Variants in TNIK observed in about 807,000 individuals in gnomAD.
TNIK encodes TRAF2 and NCK interacting kinase.
Under a neutral mutation model 191.3 loss-of-function variants are expected in TNIK, and 49 were observed. That is an observed-to-expected ratio of 0.26 (90% CI 0.20 to 0.32). The LOEUF (loss-of-function observed/expected upper bound fraction) is 0.32, where lower values mean the gene tolerates loss of function less well. TNIK is among the 10% of genes least tolerant of loss of function. The pLI, the probability that TNIK is intolerant of heterozygous loss-of-function variation, is 1.00. For synonymous variants in TNIK, 594 were observed against 600.9 expected, an observed-to-expected ratio of 0.99 and a Z score of 0.17; for missense variants, 1,155 against 1,702.3, an observed-to-expected ratio of 0.68 and a Z score of 5.66.
intron 2 of TNIK, among the ~76,000 whole-genome samples, chr3:171,242,382 G>T (rs569308301): frequency 1.6e-4 from 24 of 152,212 alleles, no homozygotes; most frequent in African/African-American, 4.8e-4. Flanking sequence ...TCATAAGCAG[G>T]ATCTCTTCTA....
chr3:171,328,607 C>T (rs1756074107), intron 2 of TNIK, among the ~76,000 whole-genome samples: 1 of 152,158 alleles, frequency 6.6e-6, no homozygotes, highest in Non-Finnish European at 1.5e-5. Flanking sequence ...AATTTAAAAG[C>T]TTCTCTTTTA....
chr3:171,388,631 C>T (rs1719051418), intron 1 of TNIK, among the ~76,000 whole-genome samples: 1 of 152,200 alleles, frequency 6.6e-6, no homozygotes, highest in Non-Finnish European at 1.5e-5. Context: ...ACACACACTA[C>T]CTTTGTGTTC....
At chr3:171,349,447 A>T (rs889392560) in intron 2 of TNIK, among the ~76,000 whole-genome samples, 2 of 152,214 alleles carry the variant, frequency 1.3e-5, no homozygotes, top group East Asian at 3.8e-4. Flanking sequence ...TCACAGAAAA[A>T]TGAGATCAGC....
chr3:171,347,737 C>T (rs1712489689), intron 2 of TNIK, among the ~76,000 whole-genome samples: 2 of 152,126 alleles, frequency 1.3e-5, no homozygotes, highest in Non-Finnish European at 2.9e-5. Flanking sequence ...TTATAATAGC[C>T]TGTCCTAGAT....
intron 2 of TNIK, among the ~76,000 whole-genome samples, chr3:171,343,017 G>A (rs997251806): frequency 6.6e-6 from 1 of 152,142 alleles, no homozygotes; most frequent in African/African-American, 2.4e-5. Context: ...ATAATAATGA[G>A]GCCCTCCCCA....
chr3:171,245,997 T>C (rs187342260), intron 2 of TNIK, among the ~76,000 whole-genome samples: 25 of 152,044 alleles, frequency 1.6e-4, no homozygotes, highest in African/African-American at 5.8e-4. Context: ...AGGGCAGCCT[T>C]GAAAACACAC....
rs1055422313 is a variant in TNIK at position 171,198,986 on chromosome 3, C to A, written c.307-4351G>T. On this transcript the variant is annotated intron_variant, in intron 4 of 32. Transcript: ENST00000436636. The stretch of plus-strand genomic sequence containing the variant: ...GCTTTATTAGGCCATGTAATTATAG[C>A]TCCCAAGGAAGGCAATGGAAGCCCA... 7.9e-5 allele frequency among the ~76,000 whole-genome samples: 12 copies of A among 152,238 alleles called. No individual in the cohort carries two copies. In the East Asian group the frequency reaches 2.3e-3, roughly 29 times the overall value.
At chr3:171,166,999 C>T in intron 10 of TNIK, 96 bp downstream of exon 10, 3 of 1,434,878 alleles carry the variant, frequency 2.1e-6, no homozygotes, top group Non-Finnish European at 2.8e-6. Context: ...AATGCAGGCC[C>T]ATTTGAAATC....
intron 2 of TNIK, among the ~76,000 whole-genome samples, chr3:171,265,810 G>A (rs1334916538): frequency 1.3e-5 from 2 of 152,152 alleles, no homozygotes; most frequent in Non-Finnish European, 2.9e-5. Context: ...TCCTAAGGAG[G>A]GTTGATCTGA....
intron 18 of TNIK, among the ~76,000 whole-genome samples, chr3:171,113,649 T>A (rs549367259): frequency 2.0e-5 from 3 of 151,420 alleles, no homozygotes; most frequent in Non-Finnish European, 4.4e-5. Flanking sequence ...AATTTGTTGG[T>A]AGGCTACTAC....
Position 171,058,416 on chromosome 3 carries a change from C to T in TNIK, c.*5465G>A, listed in dbSNP as rs553546592. ...CAATGAGGAACAAGGAGGCATCCTA[C>T]GATTAATGTTTTATTATTCATATTT... On this transcript the variant is annotated 3_prime_UTR_variant, in exon 33 of 33. Coordinates refer to ENST00000436636, the MANE Select transcript of TNIK (RefSeq NM_015028.4). Among the ~76,000 whole-genome samples the T allele has an allele frequency of 3.3e-5, 5 of 152,060 alleles. No homozygotes were observed. Among genetic ancestry groups the T allele is most frequent in the Non-Finnish European group, 5.9e-5 (4 of 68,016 alleles).
chr3:171,192,912 A>G (rs972056305), intron 5 of TNIK, among the ~76,000 whole-genome samples: 8 of 152,182 alleles, frequency 5.3e-5, no homozygotes, highest in Non-Finnish European at 1.2e-4. Context: ...ATTTTTGCCT[A>G]TCCCAAGCCA....
At chr3:171,235,243 T>G (rs1210972023) in intron 2 of TNIK, among the ~76,000 whole-genome samples, 1 of 152,166 alleles carries the variant, frequency 6.6e-6, no homozygotes, top group Non-Finnish European at 1.5e-5. Context: ...GGTTTCGCCA[T>G]GTTGGCCAGG....
At chr3:171,082,539 G>T (rs1720828760) in intron 26 of TNIK, 145 bp from the exon 27 acceptor site, 1 of 877,448 alleles carries the variant, frequency 1.1e-6, no homozygotes, top group Non-Finnish European at 1.7e-6. Flanking sequence ...GAATGTAGAA[G>T]CTCTGACATA....
At chr3:171,121,570 T>C (rs74650355) in intron 18 of TNIK, among the ~76,000 whole-genome samples, 1,643 of 152,318 alleles carry the variant, frequency 0.011, 30 homozygotes, top group African/African-American at 0.038. Context: ...AACCATCTGC[T>C]CAGTGCAACT....
At chr3:171,411,637 C>G (rs1722442682) in intron 1 of TNIK, among the ~76,000 whole-genome samples, 1 of 152,152 alleles carries the variant, frequency 6.6e-6, no homozygotes, top group Non-Finnish European at 1.5e-5. Flanking sequence ...CCTGGACATA[C>G]AGATTTAATT....
intron 2 of TNIK, among the ~76,000 whole-genome samples, chr3:171,288,029 G>A (rs1192138184): frequency 1.3e-5 from 2 of 150,726 alleles, no homozygotes; most frequent in African/African-American, 4.9e-5. Context: ...GGACATGGAT[G>A]AAATTGGAAA....
intron 2 of TNIK, chr3:171,347,050 T>C (rs1243148778): frequency 1.5e-6 from 2 of 1,305,746 alleles, no homozygotes; most frequent in African/African-American, 1.5e-5. Flanking sequence ...GTGCAATGCC[T>C]GTGCTAGGAC....
At chr3:171,222,245 C>T (rs1317246332) in intron 3 of TNIK, among the ~76,000 whole-genome samples, 1 of 152,060 alleles carries the variant, frequency 6.6e-6, no homozygotes, top group Non-Finnish European at 1.5e-5. Flanking sequence ...GTGGGTATGC[C>T]CTGACTGGCT....
Sources: allele counts gnomAD v4.1 joint callset (sites outside exome capture counted in the v4.1 genomes callset), GRCh38; gene constraint gnomAD v4.1.1; transcripts MANE v1.5; gene names NCBI Gene and HGNC (gene_info 2026-07-23, HGNC 2026-07-21).